DYNC1LI2: variants seen among roughly 807,000 people sequenced by gnomAD.
DYNC1LI2 encodes the protein cytoplasmic dynein 1 light intermediate chain 2.
Under a neutral mutation model 57.8 loss-of-function variants are expected in DYNC1LI2, and 19 were observed. The observed-to-expected ratio is 0.33, with a 90% CI of 0.23 to 0.48. The LOEUF is 0.48. DYNC1LI2 is among the 20% of genes least tolerant of loss of function. The pLI, the probability that DYNC1LI2 is intolerant of heterozygous loss-of-function variation, is 0.99. For synonymous variants in DYNC1LI2, 256 were observed against 233.4 expected (o/e 1.10, Z -0.88); for missense variants, 470 against 604.2 (o/e 0.78, Z 2.33).
chr16:66,734,527 G>T (rs1195653595), intron 5 of DYNC1LI2, among the ~76,000 whole-genome samples: 1 of 151,448 alleles, frequency 6.6e-6, no homozygotes, highest in South Asian at 2.1e-4. Flanking sequence ...AGATGTAATA[G>T]GCCTGATCAC....
rs1199492238 is a variant in DYNC1LI2, at chr16:66,725,954, A to G, written c.1262-10T>C. ...TCACTTGCTGCATTATCTAAGGAAA[A>G]TTAAAGAGAAAAAAAAGCATCATAT... On this transcript the variant is annotated splice_polypyrimidine_tract_variant and intron_variant, in intron 11 of 12. Transcript: ENST00000258198. The G allele has an allele frequency of 6.2e-7, 1 of 1,606,042 alleles. No individual in the cohort carries two copies. The highest frequency in any genetic ancestry group is 1.3e-5 in the African/African-American group (1 of 74,312).
At chr16:66,732,272 G>A in intron 7 of DYNC1LI2, 67 bp downstream of exon 7, 2 of 1,573,046 alleles carry the variant, frequency 1.3e-6, no homozygotes, top group South Asian at 1.2e-5. Context: ...CCTTGAAGGG[G>A]TAAAATGTAA....
intron 3 of DYNC1LI2, among the ~76,000 whole-genome samples, chr16:66,747,132 T>G (rs1241325209): frequency 6.7e-6 from 1 of 149,758 alleles, no homozygotes; most frequent in Non-Finnish European, 1.5e-5. Flanking sequence ...CAGGCTGGAG[T>G]GCAGTGGCAC....
intron 5 of DYNC1LI2, among the ~76,000 whole-genome samples, chr16:66,735,519 T>C (rs2017718448): frequency 6.6e-6 from 1 of 152,022 alleles, no homozygotes; most frequent in African/African-American, 2.4e-5. Flanking sequence ...TTTATTTTTA[T>C]TTTTTGAGAC....
chr16:66,746,820 A>G (rs2017943688), intron 3 of DYNC1LI2, among the ~76,000 whole-genome samples: 1 of 152,232 alleles, frequency 6.6e-6, no homozygotes, highest in Non-Finnish European at 1.5e-5. Context: ...AAACTCAAGT[A>G]CAGAGTGGTT....
intron 3 of DYNC1LI2, among the ~76,000 whole-genome samples, chr16:66,745,125 TC>T (rs1306421200): frequency 2.0e-5 from 3 of 152,086 alleles, no homozygotes; most frequent in Middle Eastern, 6.8e-3. Flanking sequence ...GCTGGGCTAG[TC>T]TCGAACTCCT....
At chr16:66,727,652 A>G (rs1314114972) in intron 11 of DYNC1LI2, 36 bp downstream of exon 11, 1 of 1,606,050 alleles carries the variant, frequency 6.2e-7, no homozygotes, top group Non-Finnish European at 8.5e-7. Flanking sequence ...AAACTAAACT[A>G]CTCTCCAAAG....
chr16:66,732,405 A>C lies in DYNC1LI2; in HGVS notation c.863T>G (p.Val288Gly), dbSNP rs2017653759. The change falls in exon 7 of 13, where the codon GTT (valine) becomes GGT (glycine). Residue 288 changes from valine to glycine, a missense_variant. Val to Gly is a moderately radical substitution (Grantham distance 109). Transcript: ENST00000258198. ...GAAGTGGAAACCGTATGTTTTATGA[A>C]CAATATACTTATACAACAAGTCGAG... ...KNLDLLYKYI[V>G]HKTYGFHFTT... 2 of 1,613,950 alleles carry C rather than the reference A, an allele frequency of 1.2e-6. No individual in the cohort carries two copies. Among genetic ancestry groups the C allele is most frequent in the African/African-American group, 2.7e-5 (2 of 74,948 alleles).
chr16:66,740,231 A>G (rs1448237381), intron 4 of DYNC1LI2, among the ~76,000 whole-genome samples: 1 of 152,178 alleles, frequency 6.6e-6, no homozygotes, highest in Non-Finnish European at 1.5e-5. Context: ...CTAACCCTAA[A>G]AGAGACTGGC....
chr16:66,742,262 G>C (rs1279288370), intron 4 of DYNC1LI2, among the ~76,000 whole-genome samples, 176 bp downstream of exon 4: 5 of 152,206 alleles, frequency 3.3e-5, no homozygotes, highest in Non-Finnish European at 5.9e-5. Flanking sequence ...TTGAGTTAAA[G>C]ACTGCTTTGA....
At chr16:66,729,313 G>T (rs1477131508) in intron 8 of DYNC1LI2, among the ~76,000 whole-genome samples, 2 of 152,140 alleles carry the variant, frequency 1.3e-5, no homozygotes, top group African/African-American at 4.8e-5. Flanking sequence ...AGTCTGGCAG[G>T]TTCTAAACAC....
rs758721680 is a variant in DYNC1LI2 at position 66,736,178 on chromosome 16, C to T, written c.596G>A (p.Gly199Asp). 3.7e-6 allele frequency: 6 copies of T among 1,614,018 alleles called. No homozygotes were observed. Among genetic ancestry groups the T allele is most frequent in the African/African-American group, 1.3e-5 (1 of 74,910 alleles). The change falls in exon 5 of 13, where the codon GGC (glycine) becomes GAC (aspartate). Residue 199 changes from glycine (G) to aspartate (D), a missense_variant. Physicochemically the swap from Gly to Asp is moderately conservative, Grantham distance 94. Coordinates refer to ENST00000258198, the MANE Select transcript of DYNC1LI2 (RefSeq NM_006141.3). ...TTCATCGGAGCCTGAGGTCAGAGGG[C>T]CTCTTCTCTGTGGGGAACCTTGACA... ...EGCQGSPQRR[G>D]PLTSGSDEEN...
chr16:66,729,130 A>G lies in DYNC1LI2; in HGVS notation c.1042-31T>C, dbSNP rs767896600. 54 of 1,612,908 alleles carry G rather than the reference A, an allele frequency of 3.3e-5. No individual in the cohort carries two copies. In the East Asian group the frequency reaches 1.2e-3, roughly 35 times the overall value. ...AAACAACATACATGTTTGTGGCCAC[A>G]GGCCAAGAATACTCCTAACCACTGT... On this transcript the variant is annotated intron_variant, in intron 8 of 12. Transcript: ENST00000258198.
At chr16:66,734,697 T>C (rs1254964293) in intron 5 of DYNC1LI2, among the ~76,000 whole-genome samples, 1 of 151,914 alleles carries the variant, frequency 6.6e-6, no homozygotes, top group East Asian at 1.9e-4. Flanking sequence ...AATAAAGTAC[T>C]TTTAAAACCC....
intron 4 of DYNC1LI2, chr16:66,739,375 A>T (rs894484831): frequency 6.6e-6 from 1 of 152,242 alleles, no homozygotes; most frequent in Non-Finnish European, 1.5e-5. Flanking sequence ...CTCTAAAGGA[A>T]TGACTTAATT....
Position 66,723,056 on chromosome 16 carries a change from C to T in DYNC1LI2, c.*666G>A, listed in dbSNP as rs1596982797. On this transcript the variant is annotated 3_prime_UTR_variant, in exon 13 of 13. Coordinates refer to ENST00000258198, the MANE Select transcript of DYNC1LI2 (RefSeq NM_006141.3). Reference sequence around the variant, plus strand: ...ATCGTTCCCACCCCTGGGTCAGCTCCGCCTGACTCAGGCACCCCCACAATT... The same window carrying T: ...ATCGTTCCCACCCCTGGGTCAGCTCTGCCTGACTCAGGCACCCCCACAATT... The T allele has an allele frequency of 9.0e-6, 3 of 334,428 alleles. No homozygotes were observed. Among genetic ancestry groups the T allele is most frequent in the African/African-American group, 2.2e-5 (1 of 46,480 alleles). The allele number at this position is 334,428 out of a possible 1,614,324, so 20.7% of individuals were successfully genotyped here. A position where few individuals can be genotyped will look rare whatever the true frequency, so the allele number is the denominator to read the frequency against.
chr16:66,730,330 T>C (rs949342554), intron 7 of DYNC1LI2, 107 bp from the exon 8 acceptor site: 1 of 916,624 alleles, frequency 1.1e-6, no homozygotes, highest in Non-Finnish European at 1.6e-6. Context: ...CAAGATATAG[T>C]GTGTAGTTGT....
chr16:66,729,954 G>GT (rs1486909017), intron 8 of DYNC1LI2, among the ~76,000 whole-genome samples, 158 bp downstream of exon 8: 1 of 151,826 alleles, frequency 6.6e-6, no homozygotes, highest in Non-Finnish European at 1.5e-5. Flanking sequence ...GCTAATTTTT[G>GT]TATTTTAGTG....
intron 5 of DYNC1LI2, among the ~76,000 whole-genome samples, chr16:66,734,702 A>C (rs1454099711): frequency 6.6e-6 from 1 of 152,018 alleles, no homozygotes; most frequent in Non-Finnish European, 1.5e-5. Flanking sequence ...AGTACTTTTA[A>C]AACCCAAAAT....
Sources: allele counts gnomAD v4.1 joint callset (sites outside exome capture counted in the v4.1 genomes callset), GRCh38; gene constraint gnomAD v4.1.1; transcripts MANE v1.5; gene names NCBI Gene and HGNC (gene_info 2026-07-23, HGNC 2026-07-21).